CDK14: variants seen among roughly 807,000 people sequenced by gnomAD.
CDK14 encodes the protein cyclin-dependent kinase 14.
Under a neutral mutation model 60.7 loss-of-function variants are expected in CDK14, and 34 were observed. The observed-to-expected ratio is 0.56, with a 90% CI of 0.43 to 0.75. CDK14 has a LOEUF of 0.75. Among genes scored for constraint, CDK14 ranks in the 30% least tolerant of loss-of-function variants. The pLI is 0.00. For missense variants in CDK14, 482 were observed against 564.1 expected, an observed-to-expected ratio of 0.85 and a Z score of 1.47; for synonymous variants, 197 against 203.7, an observed-to-expected ratio of 0.97 and a Z score of 0.28.
rs1003677562 is a variant in CDK14 at position 90,817,792 on chromosome 7, A to G, written c.544+27140A>G. Among the ~76,000 whole-genome samples, 4 of 152,204 alleles carry G rather than the reference A, an allele frequency of 2.6e-5. No individual in the cohort carries two copies. The East Asian group carries it at 7.7e-4, about 29-fold the overall frequency. On this transcript the variant is annotated intron_variant, in intron 5 of 14. Transcript: ENST00000380050. ...ATTGTAAGCCGTTAGGAAGCAGTTC[A>G]ACATTTCTACTCTCAGGGACTTCCA...
intron 6 of CDK14, among the ~76,000 whole-genome samples, chr7:90,886,383 C>G (rs1791947170): frequency 6.6e-6 from 1 of 152,124 alleles, no homozygotes; most frequent in African/African-American, 2.4e-5. Context: ...CCAAAATTCT[C>G]AAGTATAATT....
intron 2 of CDK14, among the ~76,000 whole-genome samples, chr7:90,614,625 A>G (rs887025238): frequency 6.6e-6 from 1 of 152,034 alleles, no homozygotes; most frequent in Non-Finnish European, 1.5e-5. Context: ...TTAAAAAAAT[A>G]ATAAAAAAGA....
At chr7:90,812,868 G>A (rs552831399) in intron 5 of CDK14, among the ~76,000 whole-genome samples, 1 of 152,134 alleles carries the variant, frequency 6.6e-6, no homozygotes, top group Admixed American at 6.5e-5. Flanking sequence ...GTTTTTTAAA[G>A]GTTAAATATT....
chr7:90,957,689 G>A (rs550028352), intron 9 of CDK14, among the ~76,000 whole-genome samples: 9 of 152,204 alleles, frequency 5.9e-5, no homozygotes, highest in East Asian at 1.9e-4. Context: ...ACCACTGCTT[G>A]AGGAAATAAA....
At chr7:90,683,928 G>GTA (rs1039129937) in intron 2 of CDK14, among the ~76,000 whole-genome samples, 2 of 148,946 alleles carry the variant, frequency 1.3e-5, no homozygotes, top group Admixed American at 1.3e-4. Flanking sequence ...GTGTGTGTGT[G>GTA]TGTGTATGCA....
intron 8 of CDK14, among the ~76,000 whole-genome samples, chr7:90,927,632 G>A (rs549112320): frequency 6.6e-6 from 1 of 152,270 alleles, no homozygotes; most frequent in South Asian, 2.1e-4. Flanking sequence ...TGGGTAGGGT[G>A]CCGATTCTGC....
At chr7:90,783,566 A>G (rs1805435275) in intron 4 of CDK14, among the ~76,000 whole-genome samples, 1 of 152,206 alleles carries the variant, frequency 6.6e-6, no homozygotes, top group Non-Finnish European at 1.5e-5. Context: ...ACAAATAGCA[A>G]AAACAAAAAT....
At chr7:90,987,709 T>G (rs1795410922) in intron 10 of CDK14, among the ~76,000 whole-genome samples, 1 of 152,040 alleles carries the variant, frequency 6.6e-6, no homozygotes, top group Non-Finnish European at 1.5e-5. Context: ...CCAGTATGGT[T>G]AAATCACTGA....
intron 2 of CDK14, among the ~76,000 whole-genome samples, chr7:90,636,804 A>G (rs1717075000): frequency 6.6e-6 from 1 of 152,160 alleles, no homozygotes. Flanking sequence ...TATTGCCGCA[A>G]TTTTGGATCC....
At chr7:90,833,913 G>A (rs1323480958) in intron 5 of CDK14, among the ~76,000 whole-genome samples, 1 of 152,118 alleles carries the variant, frequency 6.6e-6, no homozygotes, top group African/African-American at 2.4e-5. Flanking sequence ...TCAAATTCCT[G>A]TAAGAATGTA....
intron 12 of CDK14, among the ~76,000 whole-genome samples, chr7:91,099,199 A>T (rs1799090944): frequency 6.6e-6 from 1 of 152,166 alleles, no homozygotes; most frequent in South Asian, 2.1e-4. Context: ...ACCATAATGC[A>T]GATGCGCCAA....
intron 6 of CDK14, among the ~76,000 whole-genome samples, chr7:90,896,539 A>G (rs1792343407): frequency 6.6e-6 from 1 of 152,208 alleles, no homozygotes; most frequent in South Asian, 2.1e-4. Flanking sequence ...GCATTAAAAA[A>G]AAACCTTACC....
chr7:90,942,987 T>TA (rs1206732938), intron 8 of CDK14, among the ~76,000 whole-genome samples: 2 of 151,964 alleles, frequency 1.3e-5, no homozygotes, highest in African/African-American at 4.8e-5. Context: ...GGTTTTTTTT[T>TA]AAAAAAAACT....
At chr7:90,933,733 G>A (rs1391913702) in intron 8 of CDK14, among the ~76,000 whole-genome samples, 4 of 152,260 alleles carry the variant, frequency 2.6e-5, no homozygotes, top group African/African-American at 9.6e-5. Context: ...CAGAGACAGG[G>A]CTCAGTATAA....
intron 4 of CDK14, among the ~76,000 whole-genome samples, chr7:90,784,408 G>A (rs538335103): frequency 1.3e-5 from 2 of 152,186 alleles, no homozygotes; most frequent in Non-Finnish European, 2.9e-5. Flanking sequence ...AGCTGGAGGA[G>A]TGGATATGGA....
intron 2 of CDK14, among the ~76,000 whole-genome samples, chr7:90,644,781 G>A (rs556718881): frequency 6.6e-6 from 1 of 152,202 alleles, no homozygotes; most frequent in South Asian, 2.1e-4. Context: ...TCCTGCACTC[G>A]CCACCATAGG....
chr7:90,898,039 T>G (rs1490469861), intron 6 of CDK14, among the ~76,000 whole-genome samples: 1 of 152,086 alleles, frequency 6.6e-6, no homozygotes, highest in Non-Finnish European at 1.5e-5. Flanking sequence ...TGCCCTTCAG[T>G]TGGCTAACTT....
chr7:91,117,428 TTTC>T (rs764759897), intron 13 of CDK14, among the ~76,000 whole-genome samples: 5 of 152,026 alleles, frequency 3.3e-5, no homozygotes, highest in African/African-American at 1.2e-4. Context: ...GCTCTCACTG[TTTC>T]TTCTTCTTAT....
intron 5 of CDK14, among the ~76,000 whole-genome samples, chr7:90,839,634 CAAAT>C (rs1205981057): frequency 6.6e-6 from 1 of 152,100 alleles, no homozygotes; most frequent in Admixed American, 6.6e-5. Flanking sequence ...ATGTAAGAAA[CAAAT>C]AATTTTATTT....
Sources: gnomAD v4.1 joint callset for allele counts (sites outside exome capture counted in the v4.1 genomes callset) on GRCh38, gnomAD v4.1.1 for gene constraint, MANE v1.5 for transcripts, NCBI Gene and HGNC (gene_info 2026-07-23, HGNC 2026-07-21) for gene names.